The following CCDC61 variants were observed in gnomAD, a reference collection of about 807,000 sequenced individuals.
The protein encoded by CCDC61 is coiled-coil domain containing 61, also known as centrosomal protein CCDC61.
Under a neutral mutation model 63.0 loss-of-function variants are expected in CCDC61, and 55 were observed. The ratio of observed to expected loss-of-function variants is 0.87; its 90% CI spans 0.70 to 1.09. CCDC61 has a LOEUF of 1.09. Among genes scored for constraint, CCDC61 ranks in the 50% least tolerant of loss-of-function variants. The pLI, the probability that CCDC61 is intolerant of heterozygous loss-of-function variation, is 0.00. For synonymous variants in CCDC61, 270 were observed against 317.0 expected (o/e 0.85, Z 1.58); for missense variants, 651 against 731.4 (o/e 0.89, Z 1.27).
At chr19:46,003,202 T>A in intron 2 of CCDC61, 36 bp downstream of exon 2, 1 of 1,570,858 alleles carries the variant, frequency 6.4e-7, no homozygotes, top group Non-Finnish European at 8.7e-7. Flanking sequence ...TCACCTTTCC[T>A]CTCCTGGGAT....
intron 1 of CCDC61, 134 bp from the exon 2 acceptor site, chr19:46,002,874 C>A: frequency 1.2e-6 from 1 of 801,360 alleles, no homozygotes; most frequent in Non-Finnish European, 2.0e-6. Context: ...GAAACTAAGG[C>A]ACAGAGAGGT....
chr19:45,998,473 C>T (rs982229596), intron 1 of CCDC61, among the ~76,000 whole-genome samples: 1 of 152,148 alleles, frequency 6.6e-6, no homozygotes, highest in Non-Finnish European at 1.5e-5. Context: ...CCTGACCCAG[C>T]CTGGGAGTCA....
rs1968990041 is a variant in CCDC61 at position 46,018,229 on chromosome 19, CCA to C, written c.1442-60_1442-59del. ...TAGTGCGGGCAGTGGTATATTGGGC[CCA>C]GGAACTCCCTGGGGCTTCAGGCCCC... On this transcript the variant is annotated intron_variant, in intron 13 of 13. Coordinates refer to ENST00000595358, the MANE Select transcript of CCDC61 (RefSeq NM_001267723.2). The surrounding 1 kb of genome is among the most constrained non-coding windows in gnomAD (Gnocchi z 4.2). 1 of 1,546,532 alleles carries C rather than the reference CCA, an allele frequency of 6.5e-7. No homozygotes were observed. Among genetic ancestry groups the C allele is most frequent in the African/African-American group, 1.4e-5 (1 of 72,952 alleles).
Position 46,018,070 on chromosome 19 carries a change from A to G in CCDC61, c.1369-8A>G. 2.5e-6 allele frequency: 4 copies of G among 1,607,128 alleles called. No individual in the cohort carries two copies. The highest frequency in any genetic ancestry group is 2.5e-6 in the Non-Finnish European group (3 of 1,177,124). On this transcript the variant is annotated splice_polypyrimidine_tract_variant and splice_region_variant and intron_variant, in intron 12 of 13. Coordinates refer to ENST00000595358, the MANE Select transcript of CCDC61 (RefSeq NM_001267723.2). This position sits in a 1 kb window ranked among gnomAD's most constrained non-coding sequence, Gnocchi z 4.2. ...GGTGACCCCCTTTCCTACCTTCCCC[A>G]TCACCAGAAGTCTCCCCCCGTGGAA...
Position 46,018,023 on chromosome 19 carries a change from G to T in CCDC61, c.1369-55G>T. ...TCAGGATTTCCAGTGGGATTTAGGG[G>T]GACAGAAATAGAGGGACGGTGGGTG... is the stretch of plus-strand genomic sequence containing the variant. On this transcript the variant is annotated intron_variant, in intron 12 of 13. Transcript: ENST00000595358. The surrounding 1 kb of genome is among the most constrained non-coding windows in gnomAD (Gnocchi z 4.2). The T allele has an allele frequency of 6.8e-7, 1 of 1,470,936 alleles. No individual in the cohort carries two copies. Among genetic ancestry groups the T allele is most frequent in the Non-Finnish European group, 9.2e-7 (1 of 1,081,536 alleles). 91.1% of individuals were successfully genotyped at this position (1,470,936 alleles called of 1,614,324 possible). A position where few individuals can be genotyped will look rare whatever the true frequency, so the allele number is the denominator to read the frequency against.
chr19:46,002,541 G>T (rs1968611002), intron 1 of CCDC61, among the ~76,000 whole-genome samples: 1 of 150,082 alleles, frequency 6.7e-6, no homozygotes. Flanking sequence ...CCAGCCTCCC[G>T]AGTAGCTGGG....
At chr19:46,002,380 AAT>A (rs1275106935) in intron 1 of CCDC61, among the ~76,000 whole-genome samples, 6 of 152,190 alleles carry the variant, frequency 3.9e-5, no homozygotes, top group African/African-American at 1.4e-4. Flanking sequence ...TATAAGACTT[AAT>A]AAATTAATAC....
At chr19:46,004,392 C>T (rs576828460) in intron 3 of CCDC61, among the ~76,000 whole-genome samples, 4 of 152,168 alleles carry the variant, frequency 2.6e-5, no homozygotes, top group Non-Finnish European at 5.9e-5. Flanking sequence ...ACAGACAAAA[C>T]CCCTGTCCTC....
In CCDC61 at chr19:46,006,613, C is replaced by A. The variant is rs376150047; in HGVS notation, c.286C>A (p.Arg96=). The change falls in exon 4 of 14, where the codon CGG becomes AGG. Residue 96 remains arginine (R), a synonymous_variant. Transcript: ENST00000595358. The part of the protein sequence containing the change: ...LLTYTDLESL[R]NRKMGGRPGS... ...GACCTACACAGACCTGGAGTCCCTGCGGAACCGCAAGATGGGGGGCCGCCC... is the reference window on the plus strand; with the variant it reads ...GACCTACACAGACCTGGAGTCCCTGAGGAACCGCAAGATGGGGGGCCGCCC... The A allele has an allele frequency of 1.2e-6, 2 of 1,613,534 alleles. No individual in the cohort carries two copies. Among genetic ancestry groups the A allele is most frequent in the Non-Finnish European group, 1.7e-6 (2 of 1,179,662 alleles).
chr19:46,018,328 A>G lies in CCDC61; in HGVS notation c.1480A>G (p.Ile494Val), dbSNP rs373546472. Residue 494 changes from isoleucine to valine, a missense_variant, in exon 14 of 14, where the codon ATA becomes GTA. Transcript: ENST00000595358. The surrounding 1 kb of genome is among the most constrained non-coding windows in gnomAD (Gnocchi z 4.2). Reference protein sequence around the residue: ...SEHQAADMAEIDARLKALQEY... With the variant: ...SEHQAADMAEVDARLKALQEY... ...GCACCAGGCGGCTGACATGGCCGAA[A>G]TAGACGCACGCCTGAAGGCCTTGCA... The G allele has an allele frequency of 3.2e-5, 50 of 1,576,674 alleles. No individual in the cohort carries two copies. In the African/African-American group the frequency reaches 6.6e-4, roughly 21 times the overall value.
intron 12 of CCDC61, 139 bp downstream of exon 12, chr19:46,017,443 A>G (rs1968967701): frequency 6.9e-6 from 5 of 723,894 alleles, no homozygotes; most frequent in African/African-American, 1.8e-5. Flanking sequence ...TCGCTCTTTC[A>G]GGCTGGGGTG....
At position 46,016,243 on chromosome 19, in the gene CCDC61, G is replaced by A; in HGVS notation, c.1015+20G>A. ...CCACAGGTCTGTGCCCCTGCCCTGC[G>A]GTAGGGAGGGGACGCACTGGCGCTG... On this transcript the variant is annotated intron_variant, in intron 8 of 13. Transcript: ENST00000595358. This position sits in a 1 kb window ranked among gnomAD's most constrained non-coding sequence, Gnocchi z 7.2. The A allele has an allele frequency of 1.3e-6, 2 of 1,586,002 alleles. No individual in the cohort carries two copies. Among genetic ancestry groups the A allele is most frequent in the Non-Finnish European group, 8.6e-7 (1 of 1,166,770 alleles).
chr19:46,005,770 C>T (rs1968695704), intron 3 of CCDC61, among the ~76,000 whole-genome samples: 1 of 151,644 alleles, frequency 6.6e-6, no homozygotes, highest in Non-Finnish European at 1.5e-5. Flanking sequence ...GTCTAAATAA[C>T]CATAGTTTTG....
At chr19:45,997,967 G>A (rs529816790) in intron 1 of CCDC61, among the ~76,000 whole-genome samples, 1 of 152,340 alleles carries the variant, frequency 6.6e-6, no homozygotes, top group Non-Finnish European at 1.5e-5. Context: ...GATTACAGGC[G>A]TGAGTCACTG....
At position 46,018,367 on chromosome 19, in the gene CCDC61, C is replaced by T. The variant is rs200262706; in HGVS notation, c.1519C>T (p.Arg507Ter). 1.9e-5 allele frequency: 30 copies of T among 1,572,038 alleles called. No homozygotes were observed. The highest frequency in any genetic ancestry group is 7.1e-5 in the East Asian group (3 of 42,162). Residue 507 changes from arginine (R) to a stop codon, truncating the protein, a stop_gained, in exon 14 of 14, where the codon CGA becomes TGA. Transcript: ENST00000595358. LOFTEE classifies it high-confidence loss of function. The surrounding 1 kb of genome is among the most constrained non-coding windows in gnomAD (Gnocchi z 4.2). ...RLKALQEYMN[R>*]LDMRS is the part of the protein sequence containing the mutation. ...GAAGGCCTTGCAGGAGTACATGAAC[C>T]GACTGGACATGCGGTCATAACGTGG... is the stretch of plus-strand genomic sequence containing the variant.
Position 46,016,462 on chromosome 19 carries a change from C to T in CCDC61, c.1091+69C>T. 6.4e-7 allele frequency: 1 copy of T among 1,554,360 alleles called. No individual in the cohort carries two copies. ...TGCCCGCTCCCGGGCTCTCATCTCT[C>T]CACGCCACCATCAGTCTCCATCCCC... On this transcript the variant is annotated intron_variant, in intron 9 of 13. Coordinates refer to ENST00000595358, the MANE Select transcript of CCDC61 (RefSeq NM_001267723.2). This position sits in a 1 kb window ranked among gnomAD's most constrained non-coding sequence, Gnocchi z 7.2.
chr19:46,011,714 A>G (rs142042415), intron 5 of CCDC61, among the ~76,000 whole-genome samples: 2 of 152,298 alleles, frequency 1.3e-5, no homozygotes, highest in East Asian at 1.9e-4. Flanking sequence ...CGGCCTTTCA[A>G]CCAATGCAGT....
In CCDC61 at chr19:46,018,408, C is replaced by T. The variant is rs1968997792; in HGVS notation, c.*21C>T. The T allele has an allele frequency of 6.5e-7, 1 of 1,539,796 alleles. No homozygotes were observed. The highest frequency in any genetic ancestry group is 2.0e-5 in the Admixed American group (1 of 50,998). ...CATAACGTGGAGAAGGGGTACTACCCCTCCATCCCCCACCCACTTGCTGGG... is the reference window on the plus strand; with the variant it reads ...CATAACGTGGAGAAGGGGTACTACCTCTCCATCCCCCACCCACTTGCTGGG... On this transcript the variant is annotated 3_prime_UTR_variant, in exon 14 of 14. Coordinates refer to ENST00000595358, the MANE Select transcript of CCDC61 (RefSeq NM_001267723.2). This position sits in a 1 kb window ranked among gnomAD's most constrained non-coding sequence, Gnocchi z 4.2.
Position 46,018,378 on chromosome 19 carries a change from G to A in CCDC61, c.1530G>A (p.Met510Ile). Residue 510 changes from methionine (M) to isoleucine (I), a missense_variant, in exon 14 of 14, where the codon ATG (methionine) becomes ATA (isoleucine). Met to Ile is a conservative substitution (Grantham distance 10). Transcript: ENST00000595358. This position sits in a 1 kb window ranked among gnomAD's most constrained non-coding sequence, Gnocchi z 4.2. ...ALQEYMNRLD[M>I]RS ...AGGAGTACATGAACCGACTGGACAT[G>A]CGGTCATAACGTGGAGAAGGGGTAC... 6.4e-7 allele frequency: 1 copy of A among 1,567,872 alleles called. No individual in the cohort carries two copies. The highest frequency in any genetic ancestry group is 1.2e-5 in the South Asian group (1 of 85,100).
Sources: gnomAD v4.1 joint callset for allele counts (sites outside exome capture counted in the v4.1 genomes callset) on GRCh38, gnomAD v4.1.1 for gene constraint, Gnocchi (gnomAD v3.1) non-coding constraint, MANE v1.5 for transcripts, NCBI Gene and HGNC (gene_info 2026-07-23, HGNC 2026-07-21) for gene names.